The following FMNL2 variants were observed in gnomAD, a reference collection of about 807,000 sequenced individuals.
FMNL2 encodes the protein formin-like protein 2.
A neutral mutation model predicts 130.2 loss-of-function variants in FMNL2; 51 were observed. That is an observed-to-expected ratio of 0.39 (90% CI 0.31 to 0.49). FMNL2 has a LOEUF of 0.49. FMNL2 is among the 20% of genes least tolerant of loss of function. The pLI is 0.85. For synonymous variants in FMNL2, 465 were observed against 467.1 expected (o/e 1.00, Z 0.06); for missense variants, 977 against 1,316.2 (o/e 0.74, Z 3.99).
intron 2 of FMNL2, among the ~76,000 whole-genome samples, chr2:152,538,680 A>AG (rs1261126719): frequency 6.6e-6 from 1 of 152,198 alleles, no homozygotes; most frequent in Non-Finnish European, 1.5e-5. Context: ...AACTCGGCCT[A>AG]CATCCAGGGA....
chr2:152,517,503 T>G (rs889971799), intron 1 of FMNL2, among the ~76,000 whole-genome samples: 1 of 152,178 alleles, frequency 6.6e-6, no homozygotes, highest in Non-Finnish European at 1.5e-5. Context: ...AGGTGTTATA[T>G]TAGAGACATG....
intron 1 of FMNL2, among the ~76,000 whole-genome samples, chr2:152,476,552 T>C (rs1165734999): frequency 6.6e-6 from 1 of 152,044 alleles, no homozygotes; most frequent in Non-Finnish European, 1.5e-5. Flanking sequence ...GCTTGCCTGT[T>C]GTCCCAGCTA....
At chr2:152,348,335 G>A (rs1055484537) in intron 1 of FMNL2, among the ~76,000 whole-genome samples, 1 of 152,114 alleles carries the variant, frequency 6.6e-6, no homozygotes, top group South Asian at 2.1e-4. Flanking sequence ...TTCACACTGT[G>A]GGCTCCTGAA....
intron 1 of FMNL2, among the ~76,000 whole-genome samples, chr2:152,369,465 A>G (rs1683749076): frequency 6.6e-6 from 1 of 152,246 alleles, no homozygotes; most frequent in African/African-American, 2.4e-5. Context: ...ACAGTAATGT[A>G]CTTGCTTGAT....
chr2:152,385,682 A>G (rs984386229), intron 1 of FMNL2, among the ~76,000 whole-genome samples: 3 of 152,244 alleles, frequency 2.0e-5, no homozygotes, highest in African/African-American at 4.8e-5. Flanking sequence ...TGGTCTCTGC[A>G]GAAGTTTGCC....
chr2:152,610,438 A>AC (rs1298672758), intron 10 of FMNL2, among the ~76,000 whole-genome samples: 1 of 152,132 alleles, frequency 6.6e-6, no homozygotes, highest in Non-Finnish European at 1.5e-5. Context: ...AAAGTCCTGT[A>AC]CCCATTGGCA....
At chr2:152,575,370 A>G in intron 7 of FMNL2, 126 bp downstream of exon 7, 2 of 505,062 alleles carry the variant, frequency 4.0e-6, no homozygotes, top group South Asian at 1.1e-4. Flanking sequence ...ATCATCCTAC[A>G]ATTTATCTGT....
intron 1 of FMNL2, among the ~76,000 whole-genome samples, chr2:152,465,981 C>T (rs1689511436): frequency 6.6e-6 from 1 of 152,160 alleles, no homozygotes; most frequent in Non-Finnish European, 1.5e-5. Context: ...TGGTTATTTT[C>T]AGGAAGCAAC....
intron 9 of FMNL2, among the ~76,000 whole-genome samples, chr2:152,597,596 G>A (rs1697835588): frequency 6.6e-6 from 1 of 152,188 alleles, no homozygotes; most frequent in South Asian, 2.1e-4. Flanking sequence ...TTGGTGCACT[G>A]CCTTGATGCA....
At chr2:152,473,835 T>G (rs1211325317) in intron 1 of FMNL2, among the ~76,000 whole-genome samples, 1 of 152,188 alleles carries the variant, frequency 6.6e-6, no homozygotes, top group Non-Finnish European at 1.5e-5. Flanking sequence ...TTTATCACAT[T>G]TGGAATTTTC....
chr2:152,636,477 G>A lies in FMNL2; in HGVS notation c.2731G>A (p.Asp911Asn). ...LDVKELQRGM[D>N]LTKREYTMHD... is the part of the protein sequence containing the mutation. The stretch of plus-strand genomic sequence containing the variant: ...TGTCAAGGAGCTCCAGAGGGGAATG[G>A]ACTTGACCAAGAGAGAGTACACCAT... The change falls in exon 22 of 26, where the codon GAC becomes AAC. Residue 911 changes from aspartate to asparagine, a missense_variant. Asp to Asn is a conservative substitution (Grantham distance 23, BLOSUM62 1). This residue lies in a region of FMNL2 where 689 missense variants were observed against 995.9 expected (regional missense o/e 0.69). Transcript: ENST00000288670. 2 of 1,611,966 alleles carry A rather than the reference G, an allele frequency of 1.2e-6. No homozygotes were observed. The highest frequency in any genetic ancestry group is 1.7e-6 in the Non-Finnish European group (2 of 1,179,018).
intron 1 of FMNL2, among the ~76,000 whole-genome samples, chr2:152,445,675 A>G (rs73002266): frequency 0.02 from 3,015 of 152,272 alleles, 104 homozygotes; most frequent in African/African-American, 0.069. Flanking sequence ...AAAGTTTCTG[A>G]TTCAGTTGGT....
intron 21 of FMNL2, among the ~76,000 whole-genome samples, chr2:152,634,287 G>T (rs1682396634): frequency 6.6e-6 from 1 of 152,096 alleles, no homozygotes; most frequent in South Asian, 2.1e-4. Context: ...ACAAAAATTA[G>T]CTGGGCATGG....
At chr2:152,359,494 T>C (rs77224393) in intron 1 of FMNL2, among the ~76,000 whole-genome samples, 8 of 147,840 alleles carry the variant, frequency 5.4e-5, no homozygotes, top group Non-Finnish European at 4.5e-5. Flanking sequence ...TTTTTTTTTT[T>C]CACATAACAG....
At chr2:152,643,370 C>T in intron 25 of FMNL2, 1 of 1,534,732 alleles carries the variant, frequency 6.5e-7, no homozygotes, top group East Asian at 2.4e-5. Context: ...TAGATCTTGG[C>T]TTTTTATTCT....
intron 1 of FMNL2, among the ~76,000 whole-genome samples, chr2:152,477,672 A>G (rs1373762098): frequency 6.6e-6 from 1 of 152,190 alleles, no homozygotes; most frequent in African/African-American, 2.4e-5. Context: ...AGGTTCTTAT[A>G]TAATTTTACA....
intron 5 of FMNL2, among the ~76,000 whole-genome samples, chr2:152,559,094 A>G (rs191452628): frequency 5.9e-5 from 9 of 152,366 alleles, no homozygotes; most frequent in African/African-American, 1.7e-4. Flanking sequence ...CTTAAGTTAC[A>G]TATATGGAAG....
At position 152,617,195 on chromosome 2, in the gene FMNL2, A is replaced by G; in HGVS notation, c.1314+3A>G. The G allele has an allele frequency of 6.2e-7, 1 of 1,613,774 alleles. No individual in the cohort carries two copies. Among genetic ancestry groups the G allele is most frequent in the Non-Finnish European group, 8.5e-7 (1 of 1,179,736 alleles). On this transcript the variant is annotated splice_donor_region_variant and intron_variant, in intron 13 of 25. Transcript: ENST00000288670. ...ACAAGGAGCTGGATGTCGTTCGGGT[A>G]AGTGTAATGATGACAACTGCCCAGA...
At chr2:152,449,250 C>T (rs934910261) in intron 1 of FMNL2, among the ~76,000 whole-genome samples, 8 of 152,268 alleles carry the variant, frequency 5.3e-5, no homozygotes, top group African/African-American at 1.9e-4. Flanking sequence ...ATGATAGCCT[C>T]TTAGATGTGT....
Sources: allele counts gnomAD v4.1 joint callset (sites outside exome capture counted in the v4.1 genomes callset), GRCh38; gene constraint gnomAD v4.1.1; regional missense constraint gnomAD v4.1.1; transcripts MANE v1.5; gene names NCBI Gene and HGNC (gene_info 2026-07-23, HGNC 2026-07-21).